The following ADCY4 variants were observed in gnomAD, a reference collection of about 807,000 sequenced individuals.
ADCY4 encodes adenylate cyclase type 4.
ADCY4 carries 111 observed loss-of-function variants against 125.5 expected under a neutral mutation model. The ratio of observed to expected loss-of-function variants is 0.88; its 90% CI spans 0.76 to 1.04. The LOEUF (loss-of-function observed/expected upper bound fraction) is 1.04, where lower values mean the gene tolerates loss of function less well. Among genes scored for constraint, ADCY4 ranks in the 50% least tolerant of loss-of-function variants. The pLI is 0.00. For missense variants in ADCY4, 1,256 were observed against 1,382.9 expected, an observed-to-expected ratio of 0.91 and a Z score of 1.46; for synonymous variants, 576 against 586.9, an observed-to-expected ratio of 0.98 and a Z score of 0.27.
chr14:24,334,716 C>T lies in ADCY4; in HGVS notation c.-64G>A. 2 of 1,344,132 alleles carry T rather than the reference C, an allele frequency of 1.5e-6. No individual in the cohort carries two copies. The highest frequency in any genetic ancestry group is 1.5e-5 in the African/African-American group (1 of 66,528). The allele number at this position is 1,344,132 out of a possible 1,614,324, so 83.3% of individuals were successfully genotyped here. A position where few individuals can be genotyped will look rare whatever the true frequency, so the allele number is the denominator to read the frequency against. On this transcript the variant is annotated 5_prime_UTR_variant, in exon 1 of 25. Coordinates refer to ENST00000418030, the MANE Select transcript of ADCY4 (RefSeq NM_001198568.2). ...GGGCGCCGGGTTACCTCCTTCGGCC[C>T]GGCGGGCCCCACCTGAGCTTTTCTC...
At position 24,322,507 on chromosome 14, in the gene ADCY4, G is replaced by A. The variant is rs191228713; in HGVS notation, c.2427+117C>T. The A allele has an allele frequency of 1.1e-4, 127 of 1,119,718 alleles. No individual in the cohort carries two copies. The East Asian group carries it at 3.2e-3, about 28-fold the overall frequency. The allele number at this position is 1,119,718 out of a possible 1,614,324, so 69.4% of individuals were successfully genotyped here. A position where few individuals can be genotyped will look rare whatever the true frequency, so the allele number is the denominator to read the frequency against. ...GAGTGAAGGAGAAGAAAGGAAGCAGGAAGGCTCGCTTAGAAGCTTCCAATG... is the reference window on the plus strand; with the variant it reads ...GAGTGAAGGAGAAGAAAGGAAGCAGAAAGGCTCGCTTAGAAGCTTCCAATG... On this transcript the variant is annotated intron_variant, in intron 19 of 24. Transcript: ENST00000418030.
chr14:24,333,215 T>TGTTG (rs957607448), intron 1 of ADCY4, among the ~76,000 whole-genome samples: 1 of 152,114 alleles, frequency 6.6e-6, no homozygotes, highest in African/African-American at 2.4e-5. Context: ...GTATGGTTTT[T>TGTTG]GTTGGTTGGT....
In ADCY4 at chr14:24,329,538, AAGG is replaced by A; in HGVS notation, c.1218-8_1218-6del. 1 of 1,517,982 alleles carries A rather than the reference AAGG, an allele frequency of 6.6e-7. No individual in the cohort carries two copies. Among genetic ancestry groups the A allele is most frequent in the Non-Finnish European group, 8.8e-7 (1 of 1,134,974 alleles). 94.0% of individuals were successfully genotyped at this position (1,517,982 alleles called of 1,614,324 possible). ...GCCCCTGTGATGTGCACTCGCCTGGAAGGAGGGAGGCAGTAGGGGTCAGCAGGG... is the reference window on the plus strand; with the variant it reads ...GCCCCTGTGATGTGCACTCGCCTGGAAGGGAGGCAGTAGGGGTCAGCAGGG... On this transcript the variant is annotated splice_polypyrimidine_tract_variant and splice_region_variant and intron_variant, in intron 8 of 24. Coordinates refer to ENST00000418030, the MANE Select transcript of ADCY4 (RefSeq NM_001198568.2).
At chr14:24,323,643 C>T (rs544537907) in intron 16 of ADCY4, 189 bp from the exon 17 acceptor site, 27 of 1,416,582 alleles carry the variant, frequency 1.9e-5, no homozygotes, top group South Asian at 4.5e-5. Flanking sequence ...ATGTGAGGGG[C>T]GTCAAGAGTA....
chr14:24,321,885 C>T, intron 20 of ADCY4, 181 bp downstream of exon 20: 1 of 1,338,554 alleles, frequency 7.5e-7, no homozygotes, highest in East Asian at 2.6e-5. Flanking sequence ...ATTTGAAATG[C>T]AGTTTTGTGC....
chr14:24,331,265 C>T lies in ADCY4; in HGVS notation c.761G>A (p.Arg254Gln), dbSNP rs775212522. 13 of 1,614,060 alleles carry T rather than the reference C, an allele frequency of 8.1e-6. No homozygotes were observed. The Admixed American group carries it at 8.3e-5, about 10-fold the overall frequency. ...GTGGAAATTGTTAGTGCTCTCTGGC[C>T]GTGACCCCTGTCCTGCCTGCAGCCG... ...MARLQAGQGS[R>Q]PESTNNFHSL... The change falls in exon 5 of 25, where the codon CGG (arginine) becomes CAG (glutamine). Residue 254 changes from arginine (R) to glutamine (Q), a missense_variant. Transcript: ENST00000418030.
At chr14:24,323,275 C>T in intron 17 of ADCY4, 69 bp downstream of exon 17, 1 of 1,470,856 alleles carries the variant, frequency 6.8e-7, no homozygotes, top group East Asian at 2.5e-5. Context: ...TTCCTCCACT[C>T]AGGGGGCTGT....
chr14:24,329,833 G>T (rs955584231), intron 8 of ADCY4, 27 bp downstream of exon 8: 1 of 1,601,866 alleles, frequency 6.2e-7, no homozygotes, highest in South Asian at 1.1e-5. Flanking sequence ...GCCTTCTGCT[G>T]TAGCTGCCTA....
At chr14:24,327,686 T>C (rs1252750424) in intron 10 of ADCY4, among the ~76,000 whole-genome samples, 1 of 152,128 alleles carries the variant, frequency 6.6e-6, no homozygotes, top group South Asian at 2.1e-4. Context: ...CCTGGTGCTA[T>C]GGGTGCACAG....
In ADCY4 at chr14:24,318,435, G is replaced by A; in HGVS notation, c.3215C>T (p.Pro1072Leu). The change falls in exon 25 of 25, where the codon CCT becomes CTT. Residue 1072 changes from proline (P) to leucine (L), a missense_variant. Pro to Leu is a moderately conservative substitution (Grantham distance 98). Coordinates refer to ENST00000418030, the MANE Select transcript of ADCY4 (RefSeq NM_001198568.2). The stretch of plus-strand genomic sequence containing the variant: ...GCAATCTCAGCCTAGGGTAGCTGAA[G>A]GAGGTCCAGTTCGTGTCAAGTCTGT... ...LNTDLTRTGPPSATLG is the reference protein window; with the variant it reads ...LNTDLTRTGPLSATLG 6.2e-7 allele frequency: 1 copy of A among 1,614,112 alleles called. No individual in the cohort carries two copies. The highest frequency in any genetic ancestry group is 1.1e-5 in the South Asian group (1 of 91,084).
intron 1 of ADCY4, 87 bp from the exon 2 acceptor site, chr14:24,333,075 C>T (rs2042072271): frequency 7.4e-7 from 1 of 1,353,154 alleles, no homozygotes; most frequent in Non-Finnish European, 9.8e-7. Context: ...AGCCCCTCAG[C>T]CCAGTTCTGA....
At position 24,318,761 on chromosome 14, in the gene ADCY4, C is replaced by T. The variant is rs779749774; in HGVS notation, c.2974G>A (p.Val992Ile). 1.2e-5 allele frequency: 19 copies of T among 1,614,048 alleles called. No homozygotes were observed. Among genetic ancestry groups the T allele is most frequent in the East Asian group, 6.7e-5 (3 of 44,874 alleles). ...RLRVGLNHGP[V>I]VAGVIGAQKP... The stretch of plus-strand genomic sequence containing the variant: ...TGGGCCCCAATAACTCCAGCTACTA[C>T]GGGTCCATGGTTCAACCCTAATGAG... Residue 992 changes from valine to isoleucine, a missense_variant, in exon 24 of 25, where the codon GTA becomes ATA. Coordinates refer to ENST00000418030, the MANE Select transcript of ADCY4 (RefSeq NM_001198568.2).
At chr14:24,332,323 C>A in intron 3 of ADCY4, 199 bp downstream of exon 3, 2 of 569,310 alleles carry the variant, frequency 3.5e-6, no homozygotes, top group East Asian at 6.2e-5. Flanking sequence ...GACTCCCTTC[C>A]GTGTGGCCTG....
intron 19 of ADCY4, 50 bp downstream of exon 19, chr14:24,322,574 T>G (rs372216264): frequency 6.4e-7 from 1 of 1,571,246 alleles, no homozygotes; most frequent in Admixed American, 1.7e-5. Context: ...GTCACAGATA[T>G]GGGGGCCACT....
intron 3 of ADCY4, chr14:24,332,259 C>G: frequency 2.5e-6 from 1 of 400,290 alleles, no homozygotes; most frequent in Non-Finnish European, 4.3e-6. Context: ...TTTTTTCATT[C>G]TCTGTCAAGG....
Position 24,329,139 on chromosome 14 carries a change from CA to C in ADCY4, c.1445del (p.Leu482ArgfsTer13). On this transcript the variant is annotated frameshift_variant, in exon 10 of 25. Coordinates refer to ENST00000418030, the MANE Select transcript of ADCY4 (RefSeq NM_001198568.2). LOFTEE classifies it high-confidence loss of function. ...MRPSLLMTRYLESWGAAKPFA... is the reference protein window; with the variant it reads ...MRPSLLMTRYXESWGAAKPFA... ...AAGGCTTGGCTGCGCCCCAGGACTC[CA>C]GGTAACGGGTCATCAGCAGTGATGG... 6.2e-7 allele frequency: 1 copy of C among 1,613,980 alleles called. No homozygotes were observed. Among genetic ancestry groups the C allele is most frequent in the Non-Finnish European group, 8.5e-7 (1 of 1,179,940 alleles).
In ADCY4 at chr14:24,323,069, G is replaced by A. The variant is rs774297236; in HGVS notation, c.2177C>T (p.Thr726Met). The A allele has an allele frequency of 1.4e-5, 22 of 1,614,148 alleles. No individual in the cohort carries two copies. In the East Asian group the frequency reaches 1.6e-4, roughly 11 times the overall value. ...ISVPYSMHCC[T>M]LGFLSCSLFL... ...GAGGGAGCAGGAGAGGAAGCCCAGC[G>A]TGCAGCAGTGCATGGAGTACTGTGG... The change falls in exon 18 of 25, where the codon ACG becomes ATG. Residue 726 changes from threonine (T) to methionine (M), a missense_variant. Transcript: ENST00000418030.
At chr14:24,329,597 A>G (rs1843864837) in intron 8 of ADCY4, 64 bp from the exon 9 acceptor site, 4 of 1,496,398 alleles carry the variant, frequency 2.7e-6, no homozygotes, top group Non-Finnish European at 3.6e-6. Context: ...TTCCTGCCCC[A>G]TCACCCCCAT....
At chr14:24,323,496 G>A in intron 16 of ADCY4, 42 bp from the exon 17 acceptor site, 2 of 1,549,336 alleles carry the variant, frequency 1.3e-6, no homozygotes, top group Non-Finnish European at 1.7e-6. Flanking sequence ...GTAGCTTCTT[G>A]GGCACAGTGG....
Sources: allele counts gnomAD v4.1 joint callset (sites outside exome capture counted in the v4.1 genomes callset), GRCh38; gene constraint gnomAD v4.1.1; transcripts MANE v1.5; gene names NCBI Gene and HGNC (gene_info 2026-07-23, HGNC 2026-07-21).